RNF6: variants seen among roughly 807,000 people sequenced by gnomAD.
The protein encoded by RNF6 is ring finger protein 6, also known as E3 ubiquitin-protein ligase RNF6.
A neutral mutation model predicts 50.1 loss-of-function variants in RNF6; 21 were observed. The ratio of observed to expected loss-of-function variants is 0.42; its 90% CI spans 0.30 to 0.60. RNF6 has a LOEUF of 0.60. Ranked by LOEUF, RNF6 falls within the 20% of genes least tolerant of loss-of-function variation. RNF6 has a pLI of 0.20. For missense variants in RNF6, 698 were observed against 838.2 expected, an observed-to-expected ratio of 0.83 and a Z score of 2.07; for synonymous variants, 255 against 291.8, an observed-to-expected ratio of 0.87 and a Z score of 1.29.
intron 5 of RNF6, among the ~76,000 whole-genome samples, chr13:26,149,933 CACAGTGTATATATAATGTGTATATATAT>C (rs1566409134): frequency 0.014 from 816 of 59,558 alleles, 106 homozygotes; most frequent in African/African-American, 0.043. Flanking sequence ...TATATATATA[CACAGTGTATATATAATGTGTATATATAT>C]ATACACAGTG....
At chr13:26,165,366 G>C (rs186666523) in intron 5 of RNF6, among the ~76,000 whole-genome samples, 1 of 152,200 alleles carries the variant, frequency 6.6e-6, no homozygotes, top group Non-Finnish European at 1.5e-5. Context: ...CATGGAGAAC[G>C]TCTGCTAGGG....
intron 5 of RNF6, among the ~76,000 whole-genome samples, chr13:26,200,292 G>T (rs1203322164): frequency 6.6e-6 from 1 of 152,146 alleles, no homozygotes; most frequent in Non-Finnish European, 1.5e-5. Flanking sequence ...AATATTGATT[G>T]CTAGGGAGAA....
chr13:26,211,034 TCTAA>T (rs1190140415), downstream of RNF6, among the ~76,000 whole-genome samples: 1 of 152,266 alleles, frequency 6.6e-6, no homozygotes, highest in Non-Finnish European at 1.5e-5. Flanking sequence ...ATGAAGAATT[TCTAA>T]CTATTTGTTC....
At position 26,215,069 on chromosome 13, in the gene RNF6, C is replaced by T; in HGVS notation, c.813G>A (p.Glu271=). 8 of 1,614,236 alleles carry T rather than the reference C, an allele frequency of 5.0e-6. No homozygotes were observed. The highest frequency in any genetic ancestry group is 6.8e-6 in the Non-Finnish European group (8 of 1,180,040). The change falls in exon 5 of 5, where the codon GAG becomes GAA. Residue 271 remains glutamate (E), a synonymous_variant. Coordinates refer to ENST00000381588, the MANE Select transcript of RNF6 (RefSeq NM_005977.4). ...QSGGSELRQR[E]GQRFGAAHVW... is the part of the protein sequence containing the mutation. ...CATGTGCTGCTCCAAACCGTTGCCC[C>T]TCCCTTTGCCTGAGTTCACTACCAC...
chr13:26,205,403 A>G (rs1156475410), intron 5 of RNF6, among the ~76,000 whole-genome samples: 2 of 152,212 alleles, frequency 1.3e-5, no homozygotes, highest in Non-Finnish European at 2.9e-5. Context: ...AAATCACTGA[A>G]GTTGTAATCC....
intron 1 of RNF6, chr13:26,221,550 T>C (rs1870499225): frequency 6.6e-6 from 1 of 152,258 alleles, no homozygotes. Flanking sequence ...TCCTACACTG[T>C]CACTGTTCCT....
rs1870262306 is a variant in RNF6, at chr13:26,219,606, G to T, written c.44C>A (p.Thr15Asn). Reference sequence around the variant, plus strand: ...ATGATGATTATGGTCTTGAGGTAAGGTTTCTTCACTGCCACCATCTGATCT... The same window carrying T: ...ATGATGATTATGGTCTTGAGGTAAGTTTTCTTCACTGCCACCATCTGATCT... ...RSRSDGGSEE[T>N]LPQDHNHHEN... The change falls in exon 3 of 5, where the codon ACC becomes AAC. Residue 15 changes from threonine (T) to asparagine (N), a missense_variant. Thr to Asn is a moderately conservative substitution (Grantham distance 65). Transcript: ENST00000381588. 4 of 1,613,660 alleles carry T rather than the reference G, an allele frequency of 2.5e-6. No homozygotes were observed. The highest frequency in any genetic ancestry group is 1.7e-4 in the Middle Eastern group (1 of 5,954).
chr13:26,203,593 G>A (rs1193786808), intron 5 of RNF6, among the ~76,000 whole-genome samples: 2 of 152,204 alleles, frequency 1.3e-5, no homozygotes, highest in Non-Finnish European at 2.9e-5. Flanking sequence ...CAGTGACTAC[G>A]CATAAAGGCA....
intron 5 of RNF6, among the ~76,000 whole-genome samples, chr13:26,206,447 C>G (rs965726210): frequency 6.6e-6 from 1 of 152,176 alleles, no homozygotes; most frequent in Non-Finnish European, 1.5e-5. Flanking sequence ...TCAAGGTAAA[C>G]TTGAACTGTT....
downstream of RNF6, among the ~76,000 whole-genome samples, chr13:26,211,562 G>C (rs1462520246): frequency 6.6e-6 from 1 of 152,096 alleles, no homozygotes; most frequent in Non-Finnish European, 1.5e-5. Context: ...TTCCAGACTA[G>C]CCTGGCCAAC....
intron 5 of RNF6, among the ~76,000 whole-genome samples, chr13:26,174,413 G>A (rs543062812): frequency 6.6e-6 from 1 of 152,156 alleles, no homozygotes; most frequent in South Asian, 2.1e-4. Context: ...CACTTTGGGA[G>A]GCCAAAGCAG....
chr13:26,160,773 T>C (rs1353584577), intron 5 of RNF6, among the ~76,000 whole-genome samples: 4 of 152,096 alleles, frequency 2.6e-5, no homozygotes. Context: ...ATCAAGGTGT[T>C]GGCAGAGCCG....
At chr13:26,174,850 G>A (rs1593167010) in intron 5 of RNF6, among the ~76,000 whole-genome samples, 1 of 152,004 alleles carries the variant, frequency 6.6e-6, no homozygotes, top group Non-Finnish European at 1.5e-5. Flanking sequence ...TCTGGGACAG[G>A]CTGCCAGGCT....
At chr13:26,151,842 T>G (rs1871621148) in intron 5 of RNF6, among the ~76,000 whole-genome samples, 1 of 152,226 alleles carries the variant, frequency 6.6e-6, no homozygotes, top group South Asian at 2.1e-4. Context: ...TGAACTGCCT[T>G]TGAAACATCT....
At chr13:26,200,816 T>G (rs1466259373) in intron 5 of RNF6, among the ~76,000 whole-genome samples, 1 of 152,202 alleles carries the variant, frequency 6.6e-6, no homozygotes, top group Non-Finnish European at 1.5e-5. Flanking sequence ...TGCTGTTTCT[T>G]GCTGCCCCAT....
At chr13:26,146,506 A>G (rs115945347) in intron 5 of RNF6, among the ~76,000 whole-genome samples, 192 of 152,306 alleles carry the variant, frequency 1.3e-3, no homozygotes, top group African/African-American at 4.4e-3. Context: ...GCTACTCACA[A>G]TTTTATTTCT....
intron 5 of RNF6, among the ~76,000 whole-genome samples, chr13:26,202,784 C>G (rs1868945316): frequency 6.6e-6 from 1 of 152,212 alleles, no homozygotes; most frequent in African/African-American, 2.4e-5. Context: ...ATCACATGGG[C>G]AGCTACTTAC....
At chr13:26,221,639 G>C (rs956604814) in intron 1 of RNF6, 3 of 151,684 alleles carry the variant, frequency 2.0e-5, no homozygotes, top group Non-Finnish European at 4.4e-5. Context: ...GGCGTCTCCG[G>C]CTTACTTCTA....
intron 5 of RNF6, among the ~76,000 whole-genome samples, chr13:26,164,854 G>A (rs1027540358): frequency 9.9e-5 from 15 of 152,144 alleles, no homozygotes; most frequent in African/African-American, 3.6e-4. Flanking sequence ...TATAACAGAA[G>A]CAGAGCATAA....
Sources: allele counts gnomAD v4.1 joint callset (sites outside exome capture counted in the v4.1 genomes callset), GRCh38; gene constraint gnomAD v4.1.1; transcripts MANE v1.5; gene names NCBI Gene and HGNC (gene_info 2026-07-23, HGNC 2026-07-21).